The following OPN5 variants were observed in gnomAD, a reference collection of about 807,000 sequenced individuals.
OPN5 encodes the protein opsin-5.
A neutral mutation model predicts 41.7 loss-of-function variants in OPN5; 18 were observed. That is an observed-to-expected ratio of 0.43 (90% CI 0.30 to 0.64). OPN5 has a LOEUF of 0.64. Among genes scored for constraint, OPN5 ranks in the 30% least tolerant of loss-of-function variants. OPN5 has a pLI of 0.13. For synonymous variants in OPN5, 178 were observed against 164.3 expected (o/e 1.08, Z -0.64); for missense variants, 318 against 434.5 (o/e 0.73, Z 2.38).
chr6:47,822,450 C>T (rs1489966607), intron 6 of OPN5, among the ~76,000 whole-genome samples: 3 of 152,204 alleles, frequency 2.0e-5, no homozygotes, highest in Non-Finnish European at 4.4e-5. Flanking sequence ...AAACTGTACT[C>T]TTCCTATCTT....
At chr6:47,812,844 G>C (rs1372255157) in intron 6 of OPN5, among the ~76,000 whole-genome samples, 2 of 152,134 alleles carry the variant, frequency 1.3e-5, no homozygotes, top group African/African-American at 4.8e-5. Flanking sequence ...AATAGGGGAA[G>C]AGGGTGGCCC....
At chr6:47,819,927 C>G (rs1186224338) in intron 6 of OPN5, among the ~76,000 whole-genome samples, 1 of 152,134 alleles carries the variant, frequency 6.6e-6, no homozygotes, top group Admixed American at 6.5e-5. Context: ...ATAAAAGCTA[C>G]AATATTATTA....
intron 6 of OPN5, among the ~76,000 whole-genome samples, chr6:47,821,945 C>G (rs1211477999): frequency 1.3e-5 from 2 of 152,014 alleles, no homozygotes; most frequent in Non-Finnish European, 2.9e-5. Context: ...AAACCCCTCT[C>G]TACTAAAAAT....
intron 6 of OPN5, among the ~76,000 whole-genome samples, chr6:47,814,616 A>G (rs1247006610): frequency 1.3e-5 from 2 of 152,138 alleles, no homozygotes; most frequent in Non-Finnish European, 2.9e-5. Flanking sequence ...TGGAGGAAGA[A>G]AAAACAAGGA....
chr6:47,797,624 T>C, intron 4 of OPN5, among the ~76,000 whole-genome samples: 1 of 152,240 alleles, frequency 6.6e-6, no homozygotes, highest in Non-Finnish European at 1.5e-5. Context: ...CAGACATTCA[T>C]CACACTGGTA....
intron 2 of OPN5, among the ~76,000 whole-genome samples, chr6:47,790,349 A>G (rs1309729728): frequency 6.6e-6 from 1 of 152,126 alleles, no homozygotes; most frequent in African/African-American, 2.4e-5. Flanking sequence ...GTTGCTTAAT[A>G]TTTCTTTCCC....
At chr6:47,812,981 A>G (rs1224219746) in intron 6 of OPN5, among the ~76,000 whole-genome samples, 2 of 151,998 alleles carry the variant, frequency 1.3e-5, no homozygotes, top group Non-Finnish European at 1.5e-5. Flanking sequence ...TTTGTCAGTC[A>G]GGGGTGTGGG....
chr6:47,807,940 A>T (rs1248554006), intron 4 of OPN5, among the ~76,000 whole-genome samples: 2 of 150,494 alleles, frequency 1.3e-5, no homozygotes, highest in African/African-American at 4.9e-5. Context: ...ACTAGATAGG[A>T]TGTGGTAAAT....
intron 1 of OPN5, among the ~76,000 whole-genome samples, chr6:47,785,328 T>G (rs1020948039): frequency 1.3e-5 from 2 of 152,210 alleles, no homozygotes; most frequent in African/African-American, 4.8e-5. Flanking sequence ...TCTCTTCTTC[T>G]GCTTTATGAA....
chr6:47,821,956 A>G (rs1762637969), intron 6 of OPN5, among the ~76,000 whole-genome samples: 1 of 152,098 alleles, frequency 6.6e-6, no homozygotes, highest in African/African-American at 2.4e-5. Flanking sequence ...TACTAAAAAT[A>G]TAAAAATTAG....
At chr6:47,786,070 T>C (rs946790759) in intron 1 of OPN5, among the ~76,000 whole-genome samples, 1 of 152,110 alleles carries the variant, frequency 6.6e-6, no homozygotes, top group Non-Finnish European at 1.5e-5. Context: ...CCCTTAGGAG[T>C]TGACAGTGAT....
intron 3 of OPN5, 151 bp downstream of exon 3, chr6:47,792,123 A>T: frequency 3.3e-6 from 2 of 613,266 alleles, no homozygotes; most frequent in Non-Finnish European, 5.6e-6. Context: ...TCTTGTTCTG[A>T]CATGTTTAAG....
intron 3 of OPN5, among the ~76,000 whole-genome samples, chr6:47,794,410 C>G (rs1180574812): frequency 1.3e-5 from 2 of 152,194 alleles, no homozygotes; most frequent in African/African-American, 4.8e-5. Flanking sequence ...TGCACTAAAT[C>G]AGGCCGACCT....
exon 5 of OPN5, chr6:47,808,174 T>G (rs1774048845): frequency 5.0e-6 from 8 of 1,613,964 alleles, no homozygotes; most frequent in Non-Finnish European, 5.9e-6. Flanking sequence ...TGATTTGTGC[T>G]GGATTCCTGA....
At chr6:47,793,494 A>C (rs1249202528) in intron 3 of OPN5, among the ~76,000 whole-genome samples, 1 of 152,202 alleles carries the variant, frequency 6.6e-6, no homozygotes, top group African/African-American at 2.4e-5. Context: ...TCTCCCATGT[A>C]ACGTGGTAAA....
intron 4 of OPN5, among the ~76,000 whole-genome samples, chr6:47,795,774 TCTCTCACACA>T (rs1015394733): frequency 3.3e-4 from 36 of 109,732 alleles, no homozygotes; most frequent in Admixed American, 8.3e-4. Context: ...TCTCTCTCTC[TCTCTCACACA>T]CACACACACA....
At chr6:47,808,553 T>C (rs1292953392) in intron 5 of OPN5, among the ~76,000 whole-genome samples, 158 bp downstream of exon 5, 1 of 152,176 alleles carries the variant, frequency 6.6e-6, no homozygotes, top group Non-Finnish European at 1.5e-5. Context: ...ATTCCTGAAA[T>C]CAAGTAATCA....
intron 6 of OPN5, 35 bp from the exon 7 acceptor site, chr6:47,823,948 C>T (rs1335847958): frequency 6.5e-7 from 1 of 1,527,180 alleles, no homozygotes; most frequent in Non-Finnish European, 8.9e-7. Flanking sequence ...TGGCTGTGTG[C>T]CTCACCCTAA....
exon 4 of OPN5, chr6:47,795,476 T>A: frequency 6.2e-7 from 1 of 1,614,078 alleles, no homozygotes; most frequent in Non-Finnish European, 8.5e-7. Context: ...TAAAGATCAT[T>A]GCCAAGGTTA....
Sources: gnomAD v4.1 joint callset for allele counts (sites outside exome capture counted in the v4.1 genomes callset) on GRCh38, gnomAD v4.1.1 for gene constraint, MANE v1.5 for transcripts, NCBI Gene and HGNC (gene_info 2026-07-23, HGNC 2026-07-21) for gene names.